The following NIBAN1 variants were observed in gnomAD, a reference collection of about 807,000 sequenced individuals.
The protein encoded by NIBAN1 is niban apoptosis regulator 1.
A neutral mutation model predicts 75.1 loss-of-function variants in NIBAN1; 81 were observed. The ratio of observed to expected loss-of-function variants is 1.08; its 90% CI spans 0.90 to 1.30. The LOEUF (loss-of-function observed/expected upper bound fraction) is 1.30, where lower values mean the gene tolerates loss of function less well. Among genes scored for constraint, NIBAN1 ranks in the 50% most tolerant of loss-of-function variants. The pLI, the probability that NIBAN1 is intolerant of heterozygous loss-of-function variation, is 0.00. For synonymous variants in NIBAN1, 436 were observed against 424.8 expected, an observed-to-expected ratio of 1.03 and a Z score of -0.32; for missense variants, 1,133 against 1,128.1, an observed-to-expected ratio of 1.00 and a Z score of -0.06.
intron 1 of NIBAN1, among the ~76,000 whole-genome samples, chr1:184,937,601 G>A (rs921706093): frequency 6.6e-6 from 1 of 152,196 alleles, no homozygotes; most frequent in African/African-American, 2.4e-5. Flanking sequence ...TGCTTTCAAC[G>A]AGTGTAGCAG....
chr1:184,845,022 T>G (rs1007343038), intron 5 of NIBAN1, among the ~76,000 whole-genome samples: 9 of 152,250 alleles, frequency 5.9e-5, no homozygotes, highest in African/African-American at 2.2e-4. Flanking sequence ...CCTGACCTAT[T>G]ACAAGAAGAA....
rs1269452467 is a variant in NIBAN1 at position 184,799,838 on chromosome 1, C to T, written c.1555-1648G>A. 1.1e-3 allele frequency among the ~76,000 whole-genome samples: 102 copies of T among 93,200 alleles called. 31 individuals are homozygous for T. Among genetic ancestry groups the T allele is most frequent in the Middle Eastern group, 9.1e-3 (2 of 220 alleles). The allele number at this position is 93,200 out of a possible 152,430, so 61.1% of individuals were successfully genotyped here. A position where few individuals can be genotyped will look rare whatever the true frequency, so the allele number is the denominator to read the frequency against. On this transcript the variant is annotated intron_variant, in intron 12 of 13. Transcript: ENST00000367511. ...TAGGCTCACTGCAAGCTCCGCCTCC[C>T]GGGTTCAAGCCATTCTCCTGCCTCA...
intron 5 of NIBAN1, among the ~76,000 whole-genome samples, chr1:184,838,094 C>T (rs532652253): frequency 2.0e-5 from 3 of 152,164 alleles, no homozygotes; most frequent in Non-Finnish European, 4.4e-5. Flanking sequence ...AATACAACCA[C>T]GTCACACTGT....
At chr1:184,835,197 G>T (rs4275418) in intron 5 of NIBAN1, among the ~76,000 whole-genome samples, 92,016 of 151,972 alleles carry the variant, frequency 0.61, 28,516 homozygotes, top group African/African-American at 0.74. Context: ...GTTCCATTGA[G>T]CTGTATCTCT....
At chr1:184,809,747 A>T (rs1248623156) in intron 9 of NIBAN1, among the ~76,000 whole-genome samples, 2 of 152,000 alleles carry the variant, frequency 1.3e-5, no homozygotes, top group Non-Finnish European at 2.9e-5. Context: ...TGCCAGCAAT[A>T]TTGAGATGAA....
At chr1:184,866,049 T>C (rs1325516108) in intron 5 of NIBAN1, among the ~76,000 whole-genome samples, 1 of 152,132 alleles carries the variant, frequency 6.6e-6, no homozygotes, top group African/African-American at 2.4e-5. Context: ...TGCTCCTTTA[T>C]TCAGTTAAAA....
intron 5 of NIBAN1, among the ~76,000 whole-genome samples, chr1:184,842,666 T>A (rs888129319): frequency 6.7e-6 from 1 of 148,220 alleles, no homozygotes; most frequent in Non-Finnish European, 1.5e-5. Flanking sequence ...GGCAGGAGAA[T>A]CACTTGAACC....
Position 184,798,126 on chromosome 1 carries a change from A to T in NIBAN1, c.1619T>A (p.Val540Asp). The T allele has an allele frequency of 1.9e-6, 3 of 1,612,260 alleles. No individual in the cohort carries two copies. The highest frequency in any genetic ancestry group is 3.3e-4 in the Middle Eastern group (2 of 6,052). ...DHTNMIHVEN[V>D]YEEILHQILL... is the part of the protein sequence containing the mutation. ...GATCTGATGTAAAATCTCCTCATAG[A>T]CATTTTCAACGTGAATCATATTGGT... is the stretch of plus-strand genomic sequence containing the variant. The change falls in exon 13 of 14, where the codon GTC becomes GAC. Residue 540 changes from valine (V) to aspartate (D), a missense_variant. Physicochemically the swap from Val to Asp is radical, Grantham distance 152. Coordinates refer to ENST00000367511, the MANE Select transcript of NIBAN1 (RefSeq NM_052966.4).
intron 1 of NIBAN1, among the ~76,000 whole-genome samples, chr1:184,973,837 C>T (rs923573795): frequency 4.3e-4 from 66 of 152,258 alleles, no homozygotes; most frequent in Admixed American, 3.3e-4. Context: ...CTGCGGCCAA[C>T]GCCGCGCTTT....
intron 5 of NIBAN1, among the ~76,000 whole-genome samples, chr1:184,879,374 A>G (rs1468338409): frequency 2.0e-5 from 3 of 152,246 alleles, no homozygotes; most frequent in Non-Finnish European, 4.4e-5. Flanking sequence ...AGATATGTGC[A>G]TGTCCATAAA....
intron 10 of NIBAN1, 123 bp downstream of exon 10, chr1:184,807,951 T>C: frequency 1.8e-6 from 2 of 1,112,964 alleles, no homozygotes; most frequent in Non-Finnish European, 1.4e-6. Flanking sequence ...TCCCGCAACA[T>C]GATGGCTAAA....
intron 1 of NIBAN1, among the ~76,000 whole-genome samples, chr1:184,902,493 A>T (rs1434175265): frequency 6.6e-6 from 1 of 152,190 alleles, no homozygotes; most frequent in Non-Finnish European, 1.5e-5. Flanking sequence ...AATTAAAATG[A>T]TGATGATAAT....
At position 184,794,508 on chromosome 1, in the gene NIBAN1, CA is replaced by C. The variant is rs1464565195; in HGVS notation, c.*468del. The C allele has an allele frequency of 8.3e-6, 2 of 240,308 alleles. No individual in the cohort carries two copies. Among genetic ancestry groups the C allele is most frequent in the Admixed American group, 5.3e-5 (1 of 18,930 alleles). The allele number at this position is 240,308 out of a possible 1,614,324, so 14.9% of individuals were successfully genotyped here. On this transcript the variant is annotated 3_prime_UTR_variant, in exon 14 of 14. Coordinates refer to ENST00000367511, the MANE Select transcript of NIBAN1 (RefSeq NM_052966.4). ...CCCTCTCTTGCAGTCTGACTGTGGACAAATGCCGAGTCCTTAAGAGATGGTG... is the reference window on the plus strand; with the variant it reads ...CCCTCTCTTGCAGTCTGACTGTGGACAATGCCGAGTCCTTAAGAGATGGTG...
rs745352934 is a variant in NIBAN1 at position 184,805,960 on chromosome 1, G to GT, written c.1431dup (p.Leu478ThrfsTer8). On this transcript the variant is annotated frameshift_variant, in exon 11 of 14. Transcript: ENST00000367511. LOFTEE classifies it high-confidence loss of function. ...AACGGTTTTACCTTTAAGACTCGGA[G>GT]TTTAACCTTCTCAATGGCAACTGCA... 1 of 1,613,898 alleles carries GT rather than the reference G, an allele frequency of 6.2e-7. No individual in the cohort carries two copies. Among genetic ancestry groups the GT allele is most frequent in the Non-Finnish European group, 8.5e-7 (1 of 1,179,752 alleles).
At chr1:184,835,282 C>T (rs1655108069) in intron 5 of NIBAN1, among the ~76,000 whole-genome samples, 2 of 152,206 alleles carry the variant, frequency 1.3e-5, no homozygotes, top group Non-Finnish European at 2.9e-5. Context: ...AGCGTGACGC[C>T]TCCAGCTTTG....
At chr1:184,820,595 C>T (rs1654669127) in intron 8 of NIBAN1, among the ~76,000 whole-genome samples, 1 of 152,192 alleles carries the variant, frequency 6.6e-6, no homozygotes, top group East Asian at 1.9e-4. Context: ...CGTGTATGCA[C>T]TGCTATTTTT....
intron 11 of NIBAN1, among the ~76,000 whole-genome samples, 183 bp from the exon 12 acceptor site, chr1:184,803,875 G>T (rs1654116235): frequency 6.6e-6 from 1 of 152,168 alleles, no homozygotes; most frequent in Non-Finnish European, 1.5e-5. Flanking sequence ...GGTTATAACT[G>T]ATAATGACCC....
At chr1:184,863,325 G>C (rs1190000362) in intron 5 of NIBAN1, among the ~76,000 whole-genome samples, 1 of 152,182 alleles carries the variant, frequency 6.6e-6, no homozygotes, top group African/African-American at 2.4e-5. Flanking sequence ...GAACTGACTT[G>C]AGGCTTCACC....
intron 6 of NIBAN1, among the ~76,000 whole-genome samples, chr1:184,827,968 T>G (rs1356977422): frequency 2.0e-5 from 3 of 151,080 alleles, no homozygotes; most frequent in Admixed American, 6.6e-5. Context: ...TTGTTTTTTT[T>G]TTTTTTTTCC....
Sources: allele counts gnomAD v4.1 joint callset (sites outside exome capture counted in the v4.1 genomes callset), GRCh38; gene constraint gnomAD v4.1.1; transcripts MANE v1.5; gene names NCBI Gene and HGNC (gene_info 2026-07-23, HGNC 2026-07-21).